NEGR1: variants seen among roughly 807,000 people sequenced by gnomAD.
NEGR1 encodes neuronal growth regulator 1, also known as IgLON family member 4.
Under a neutral mutation model 40.9 loss-of-function variants are expected in NEGR1, and 10 were observed. That is an observed-to-expected ratio of 0.24 (90% CI 0.15 to 0.42). NEGR1 has a LOEUF of 0.42. NEGR1 is among the 10% of genes least tolerant of loss of function. The probability of loss-of-function intolerance (pLI) is 1.00; values close to 1 mark genes in which losing one functional copy is unlikely to be tolerated. For synonymous variants in NEGR1, 185 were observed against 166.8 expected, an observed-to-expected ratio of 1.11 and a Z score of -0.84; for missense variants, 352 against 438.9, an observed-to-expected ratio of 0.80 and a Z score of 1.77.
At chr1:72,167,523 A>G (rs1011977574) in intron 1 of NEGR1, among the ~76,000 whole-genome samples, 3 of 152,156 alleles carry the variant, frequency 2.0e-5, no homozygotes, top group African/African-American at 7.2e-5. Context: ...GTTATATAAC[A>G]TATGAGTACT....
At chr1:72,053,660 C>G (rs982585495) in intron 1 of NEGR1, among the ~76,000 whole-genome samples, 2 of 150,950 alleles carry the variant, frequency 1.3e-5, no homozygotes, top group African/African-American at 4.9e-5. Flanking sequence ...TATCCTCAGC[C>G]AAATTATATC....
At chr1:71,942,358 G>A (rs976837370) in intron 1 of NEGR1, among the ~76,000 whole-genome samples, 2 of 142,836 alleles carry the variant, frequency 1.4e-5, no homozygotes, top group African/African-American at 2.6e-5. Context: ...TATACTTAAC[G>A]CCTCTCTGAA....
intron 4 of NEGR1, among the ~76,000 whole-genome samples, chr1:71,627,391 C>T (rs556912181): frequency 2.0e-5 from 3 of 152,072 alleles, no homozygotes; most frequent in East Asian, 3.9e-4. Context: ...ATCTGGGCAT[C>T]GGAGTTCTAG....
intron 1 of NEGR1, among the ~76,000 whole-genome samples, chr1:72,265,948 G>A (rs1200317257): frequency 1.3e-5 from 2 of 150,560 alleles, no homozygotes; most frequent in East Asian, 1.9e-4. Context: ...CTCTAGAATT[G>A]AAGTGATTTT....
chr1:71,722,796 A>G (rs964634975), intron 3 of NEGR1, among the ~76,000 whole-genome samples: 4 of 152,226 alleles, frequency 2.6e-5, no homozygotes, highest in African/African-American at 9.6e-5. Flanking sequence ...GCAATTTTAT[A>G]AGTTTTACCA....
At chr1:71,420,538 T>G (rs1162311669) in intron 6 of NEGR1, among the ~76,000 whole-genome samples, 1 of 152,024 alleles carries the variant, frequency 6.6e-6, no homozygotes, top group Non-Finnish European at 1.5e-5. Flanking sequence ...TTTTACAAAA[T>G]CATATGTTAT....
chr1:72,071,649 G>T (rs903094228), intron 1 of NEGR1, among the ~76,000 whole-genome samples: 3 of 151,990 alleles, frequency 2.0e-5, no homozygotes, highest in African/African-American at 7.2e-5. Context: ...GTGCCAGTGT[G>T]GAATGTCCCC....
chr1:71,596,214 T>G (rs1649709024), intron 5 of NEGR1, among the ~76,000 whole-genome samples: 1 of 152,210 alleles, frequency 6.6e-6, no homozygotes, highest in African/African-American at 2.4e-5. Flanking sequence ...ATCCTTCTAT[T>G]TCTGTGGACC....
chr1:71,635,219 C>A (rs1449749399), intron 4 of NEGR1, among the ~76,000 whole-genome samples: 1 of 152,004 alleles, frequency 6.6e-6, no homozygotes, highest in Non-Finnish European at 1.5e-5. Flanking sequence ...AAGGGAGATA[C>A]ACATTAATTA....
chr1:72,027,029 C>A (rs1271635840), intron 1 of NEGR1, among the ~76,000 whole-genome samples: 2 of 152,044 alleles, frequency 1.3e-5, no homozygotes, highest in Non-Finnish European at 2.9e-5. Context: ...AGATTCATGC[C>A]ATTCTCCCGC....
intron 4 of NEGR1, among the ~76,000 whole-genome samples, chr1:71,675,112 C>CATATATATATGTATATATATATAT (rs1652575027): frequency 2.2e-5 from 1 of 45,172 alleles, no homozygotes; most frequent in Non-Finnish European, 5.6e-5. Context: ...CATGTTTATT[C>CATATATATATGTATATATATATAT]ATATATATAT....
chr1:72,020,298 C>T (rs1011781563), intron 1 of NEGR1, among the ~76,000 whole-genome samples: 6 of 152,132 alleles, frequency 3.9e-5, no homozygotes, highest in Non-Finnish European at 8.8e-5. Flanking sequence ...AGTTTGAATC[C>T]TCAAGCCAAT....
intron 1 of NEGR1, among the ~76,000 whole-genome samples, chr1:72,162,286 T>C (rs1016282415): frequency 4.1e-5 from 6 of 147,074 alleles, no homozygotes; most frequent in African/African-American, 1.5e-4. Context: ...ACCCTGCCTC[T>C]ACTAAAAAAA....
intron 1 of NEGR1, among the ~76,000 whole-genome samples, chr1:72,202,154 A>G (rs965638358): frequency 6.6e-6 from 1 of 151,916 alleles, no homozygotes; most frequent in Admixed American, 6.6e-5. Flanking sequence ...TTATGTTACT[A>G]TTGTAACTTC....
At chr1:72,020,296 T>A (rs1646745596) in intron 1 of NEGR1, among the ~76,000 whole-genome samples, 2 of 152,192 alleles carry the variant, frequency 1.3e-5, no homozygotes, top group South Asian at 4.2e-4. Flanking sequence ...CTAGTTTGAA[T>A]CCTCAAGCCA....
At chr1:71,556,159 G>T (rs183526202) in intron 6 of NEGR1, among the ~76,000 whole-genome samples, 41 of 151,640 alleles carry the variant, frequency 2.7e-4, no homozygotes, top group African/African-American at 9.4e-4. Flanking sequence ...TGAGTACTCA[G>T]ATTCATCAAA....
chr1:72,269,784 A>G (rs1365453418), intron 1 of NEGR1, among the ~76,000 whole-genome samples: 2 of 150,708 alleles, frequency 1.3e-5, no homozygotes, highest in Non-Finnish European at 3.0e-5. Flanking sequence ...GTAGTTTTAA[A>G]AATTCAAAAT....
At chr1:71,862,438 T>C (rs1282672061) in intron 2 of NEGR1, among the ~76,000 whole-genome samples, 3 of 152,018 alleles carry the variant, frequency 2.0e-5, no homozygotes, top group Non-Finnish European at 4.4e-5. Context: ...CCTAGACATC[T>C]CTTACCCAAA....
chr1:71,882,696 C>T (rs1398122589), intron 2 of NEGR1, among the ~76,000 whole-genome samples: 1 of 147,488 alleles, frequency 6.8e-6, no homozygotes, highest in Non-Finnish European at 1.5e-5. Flanking sequence ...ATTATCAGCA[C>T]TACCTACTAA....
Sources: allele counts gnomAD v4.1 joint callset (sites outside exome capture counted in the v4.1 genomes callset), GRCh38; gene constraint gnomAD v4.1.1; transcripts MANE v1.5; gene names NCBI Gene and HGNC (gene_info 2026-07-23, HGNC 2026-07-21).